FCHSD2: variants seen among roughly 807,000 people sequenced by gnomAD.
The protein encoded by FCHSD2 is F-BAR and double SH3 domains protein 2.
Under a neutral mutation model 108.1 loss-of-function variants are expected in FCHSD2, and 38 were observed. That is an observed-to-expected ratio of 0.35 (90% confidence interval 0.27 to 0.46). The LOEUF is 0.46. Ranked by LOEUF, FCHSD2 falls within the 20% of genes least tolerant of loss-of-function variation. The pLI is 1.00. For missense variants in FCHSD2, 751 were observed against 897.8 expected (o/e 0.84, Z 2.09); for synonymous variants, 279 against 314.7 (o/e 0.89, Z 1.20).
Position 73,037,704 on chromosome 11 carries a change from G to A in FCHSD2, c.166-21819C>T, listed in dbSNP as rs1858531469. Among the ~76,000 whole-genome samples the A allele has an allele frequency of 2.0e-5, 3 of 152,164 alleles. No individual in the cohort carries two copies. In the South Asian group the frequency reaches 6.2e-4, roughly 31 times the overall value. ...TAAGTCAGATATAGCCCTATTGATA[G>A]TATATATTTGTAACTTTTATGCATA... On this transcript the variant is annotated intron_variant, in intron 3 of 19. Transcript: ENST00000409418.
intron 2 of FCHSD2, among the ~76,000 whole-genome samples, chr11:73,126,745 T>C (rs1440605155): frequency 6.6e-6 from 1 of 151,916 alleles, no homozygotes. Context: ...GAACATACAA[T>C]AAAAAGCTTA....
chr11:72,890,185 A>G (rs1425673671), intron 10 of FCHSD2, among the ~76,000 whole-genome samples: 2 of 152,232 alleles, frequency 1.3e-5, no homozygotes, highest in Non-Finnish European at 2.9e-5. Flanking sequence ...AGCATCATCT[A>G]TAATACTGCA....
intron 2 of FCHSD2, among the ~76,000 whole-genome samples, chr11:73,101,306 T>C (rs1245461766): frequency 6.6e-6 from 1 of 152,230 alleles, no homozygotes; most frequent in African/African-American, 2.4e-5. Flanking sequence ...TGTTTATTCA[T>C]CTGTAGAATG....
intron 8 of FCHSD2, among the ~76,000 whole-genome samples, chr11:72,932,538 C>T (rs1396159094): frequency 6.6e-6 from 1 of 152,204 alleles, no homozygotes; most frequent in Non-Finnish European, 1.5e-5. Flanking sequence ...CTCCAATACT[C>T]CTTTTTTGCC....
At chr11:72,999,925 C>T (rs574238748) in intron 5 of FCHSD2, among the ~76,000 whole-genome samples, 1 of 152,084 alleles carries the variant, frequency 6.6e-6, no homozygotes, top group South Asian at 2.1e-4. Flanking sequence ...AACTCAAAAT[C>T]ACTGGCCAGT....
At chr11:73,008,872 C>T (rs952698590) in intron 4 of FCHSD2, among the ~76,000 whole-genome samples, 2 of 152,016 alleles carry the variant, frequency 1.3e-5, no homozygotes, top group African/African-American at 2.4e-5. Context: ...TTAGAGGCAG[C>T]TTTTTGTTTC....
At chr11:72,889,575 T>C (rs1363104150) in intron 11 of FCHSD2, among the ~76,000 whole-genome samples, 1 of 152,116 alleles carries the variant, frequency 6.6e-6, no homozygotes, top group Non-Finnish European at 1.5e-5. Context: ...TAGCCAGGCA[T>C]AGTGGCATGT....
chr11:72,949,608 T>G (rs1342511469), intron 8 of FCHSD2, among the ~76,000 whole-genome samples: 1 of 152,242 alleles, frequency 6.6e-6, no homozygotes. Flanking sequence ...TCTGGACAAA[T>G]GAAATGGAAT....
intron 3 of FCHSD2, among the ~76,000 whole-genome samples, chr11:73,074,841 G>A (rs1859512973): frequency 1.3e-5 from 2 of 152,120 alleles, no homozygotes; most frequent in Admixed American, 1.3e-4. Context: ...GAGCTCAGGA[G>A]TTCGAGGCTG....
In FCHSD2 at chr11:73,035,985, C is replaced by T. The variant is rs563748006; in HGVS notation, c.166-20100G>A. Among the ~76,000 whole-genome samples the T allele has an allele frequency of 6.6e-5, 10 of 152,204 alleles. No individual in the cohort carries two copies. The South Asian group carries it at 2.1e-3, about 32-fold the overall frequency. On this transcript the variant is annotated intron_variant, in intron 3 of 19. Transcript: ENST00000409418. Reference sequence around the variant, plus strand: ...CCGCCTACCTCAGCCTCCCAAAGTGCTGGGATTACAAGCGTGAGCCACCAC... The same window carrying T: ...CCGCCTACCTCAGCCTCCCAAAGTGTTGGGATTACAAGCGTGAGCCACCAC...
chr11:72,995,907 A>G (rs1364339186), intron 5 of FCHSD2, among the ~76,000 whole-genome samples: 1 of 152,160 alleles, frequency 6.6e-6, no homozygotes, highest in Non-Finnish European at 1.5e-5. Flanking sequence ...AAAATTTAAA[A>G]AGTTAATTTT....
intron 3 of FCHSD2, among the ~76,000 whole-genome samples, chr11:73,026,510 C>A (rs568272351): frequency 1.3e-5 from 2 of 151,672 alleles, no homozygotes; most frequent in Non-Finnish European, 2.9e-5. Context: ...TAAAAGAAAC[C>A]GAGTATAAAA....
chr11:73,083,505 C>A (rs745696727), intron 3 of FCHSD2, among the ~76,000 whole-genome samples, 190 bp downstream of exon 3: 2 of 151,084 alleles, frequency 1.3e-5, no homozygotes, highest in Non-Finnish European at 1.5e-5. Flanking sequence ...GCCAAGATTG[C>A]GCCACTGTAC....
chr11:73,068,363 G>T (rs185191355), intron 3 of FCHSD2, among the ~76,000 whole-genome samples: 5 of 150,630 alleles, frequency 3.3e-5, no homozygotes, highest in Non-Finnish European at 5.9e-5. Flanking sequence ...GGTGGGGTTG[G>T]GGGGGCGGAG....
In FCHSD2 at chr11:73,140,229, C is replaced by A. The variant is rs878969956; in HGVS notation, c.22-101G>T. 5.0e-6 allele frequency: 3 copies of A among 602,922 alleles called. No individual in the cohort carries two copies. In the Admixed American group the frequency reaches 9.9e-5, roughly 20 times the overall value. 37.3% of individuals were successfully genotyped at this position (602,922 alleles called of 1,614,324 possible). A position where few individuals can be genotyped will look rare whatever the true frequency, so the allele number is the denominator to read the frequency against. On this transcript the variant is annotated intron_variant, in intron 1 of 19. Transcript: ENST00000409418. ...GTCAGAATATGTCTCTTGCTCGCCT[C>A]TCCCCTGAAGGCCATAAATCCAATA...
intron 3 of FCHSD2, 118 bp from the exon 4 acceptor site, chr11:73,016,003 T>G: frequency 1.5e-6 from 1 of 645,680 alleles, no homozygotes; most frequent in Non-Finnish European, 2.6e-6. Flanking sequence ...AATTCAGAAG[T>G]GAAAAAAAAC....
chr11:72,837,250 C>A lies in FCHSD2; in HGVS notation c.*1541G>T, dbSNP rs1193377676. On this transcript the variant is annotated 3_prime_UTR_variant, in exon 20 of 20. Coordinates refer to ENST00000409418, the MANE Select transcript of FCHSD2 (RefSeq NM_014824.3). ...TGTAAAAAACAACAACGAAAAAAAA[C>A]CCCAAATCATGGAGAAGATTCATTA... 2 of 152,106 alleles carry A rather than the reference C, an allele frequency of 1.3e-5. No individual in the cohort carries two copies. The highest frequency in any genetic ancestry group is 2.9e-5 in the Non-Finnish European group (2 of 67,938). The allele number at this position is 152,106 out of a possible 1,614,324, so 9.4% of individuals were successfully genotyped here.
chr11:72,994,675 A>T (rs923034089), intron 5 of FCHSD2, among the ~76,000 whole-genome samples: 2 of 152,114 alleles, frequency 1.3e-5, no homozygotes, highest in Non-Finnish European at 2.9e-5. Flanking sequence ...CTGAGGCAGG[A>T]GAATGGCTTG....
At chr11:73,033,303 G>A (rs1301285267) in intron 3 of FCHSD2, among the ~76,000 whole-genome samples, 1 of 143,882 alleles carries the variant, frequency 7.0e-6, no homozygotes, top group Non-Finnish European at 1.6e-5. Flanking sequence ...AAAAAAAAAA[G>A]TAGTTAGACT....
Sources: gnomAD v4.1 joint callset for allele counts (sites outside exome capture counted in the v4.1 genomes callset) on GRCh38, gnomAD v4.1.1 for gene constraint, MANE v1.5 for transcripts, NCBI Gene and HGNC (gene_info 2026-07-23, HGNC 2026-07-21) for gene names.